CMTM6: variants seen among roughly 807,000 people sequenced by gnomAD.
The protein encoded by CMTM6 is CKLF like MARVEL transmembrane domain containing 6.
In CMTM6, 5 loss-of-function variants were observed where a neutral mutation model predicts 13.6. The ratio of observed to expected loss-of-function variants is 0.37; its 90% CI spans 0.19 to 0.77. CMTM6 has a LOEUF of 0.77. CMTM6 is among the 30% of genes least tolerant of loss of function. The pLI is 0.50. For missense variants in CMTM6, 196 were observed against 218.6 expected, an observed-to-expected ratio of 0.90 and a Z score of 0.65; for synonymous variants, 99 against 84.5, an observed-to-expected ratio of 1.17 and a Z score of -0.94.
chr3:32,493,832 T>C (rs889653352), intron 1 of CMTM6, among the ~76,000 whole-genome samples: 4 of 152,200 alleles, frequency 2.6e-5, no homozygotes, highest in South Asian at 2.1e-4. Context: ...ACACCTACCT[T>C]AGACTGAGCT....
intron 1 of CMTM6, among the ~76,000 whole-genome samples, chr3:32,501,372 A>T (rs577475024): frequency 6.6e-6 from 1 of 152,310 alleles, no homozygotes; most frequent in East Asian, 1.9e-4. Context: ...GCTTATGCAA[A>T]GGAACAGTGG....
intron 2 of CMTM6, 177 bp from the exon 3 acceptor site, chr3:32,488,213 G>A: frequency 3.7e-6 from 2 of 533,910 alleles, no homozygotes; most frequent in East Asian, 6.0e-5. Context: ...TAAATACCCT[G>A]TAAAAAAACA....
intron 2 of CMTM6, among the ~76,000 whole-genome samples, chr3:32,490,058 C>T (rs1047341398): frequency 2.0e-4 from 31 of 152,086 alleles, no homozygotes; most frequent in African/African-American, 7.5e-4. Flanking sequence ...CCAGCCTGGC[C>T]AATATGGCGA....
intron 3 of CMTM6, among the ~76,000 whole-genome samples, chr3:32,484,582 A>T (rs1372868462): frequency 1.3e-5 from 2 of 152,226 alleles, no homozygotes; most frequent in Non-Finnish European, 2.9e-5. Flanking sequence ...ATAATGTTCC[A>T]GTTGTCACAC....
At chr3:32,493,099 T>C (rs1015747870) in intron 1 of CMTM6, among the ~76,000 whole-genome samples, 3 of 152,264 alleles carry the variant, frequency 2.0e-5, no homozygotes, top group Admixed American at 6.5e-5. Flanking sequence ...AAAGAAACAA[T>C]TCATTTTAAC....
At chr3:32,495,904 C>T (rs547898146) in intron 1 of CMTM6, among the ~76,000 whole-genome samples, 18 of 152,134 alleles carry the variant, frequency 1.2e-4, no homozygotes, top group African/African-American at 3.1e-4. Flanking sequence ...TAAGTATGGA[C>T]ATCTGGCAGG....
chr3:32,502,685 G>C lies in CMTM6; in HGVS notation c.61C>G (p.Pro21Ala), dbSNP rs750270505. The C allele has an allele frequency of 1.9e-6, 3 of 1,587,234 alleles. No individual in the cohort carries two copies. The highest frequency in any genetic ancestry group is 1.7e-6 in the Non-Finnish European group (2 of 1,169,062). The part of the protein sequence containing the change: ...TEEDPGPARG[P>A]RSGLAAYFFM... ...AAGTAGGCAGCGAGGCCGCTCCGGGGGCCTCTGGCGGGGCCCGGGTCCTCC... is the reference window on the plus strand; with the variant it reads ...AAGTAGGCAGCGAGGCCGCTCCGGGCGCCTCTGGCGGGGCCCGGGTCCTCC... The change falls in exon 1 of 4, where the codon CCC (proline) becomes GCC (alanine). Residue 21 changes from proline (P) to alanine (A), a missense_variant. Physicochemically the swap from Pro to Ala is conservative, Grantham distance 27. This residue lies in a region of CMTM6 where 85 missense variants were observed against 58.7 expected (regional missense o/e 1.45). Transcript: ENST00000205636.
intron 1 of CMTM6, among the ~76,000 whole-genome samples, chr3:32,497,096 C>G (rs766019644): frequency 2.0e-5 from 3 of 152,106 alleles, no homozygotes; most frequent in South Asian, 2.1e-4. Context: ...AAAAAGAAAA[C>G]TCCTACACCG....
intron 3 of CMTM6, among the ~76,000 whole-genome samples, chr3:32,486,002 C>T (rs762588421): frequency 2.0e-4 from 31 of 152,146 alleles, no homozygotes; most frequent in Non-Finnish European, 3.8e-4. Flanking sequence ...CTCAGCCTCT[C>T]GAGTAGCTGG....
chr3:32,481,797 T>TATC lies in CMTM6; in HGVS notation c.*2160_*2162dup, dbSNP rs1298684750. The stretch of plus-strand genomic sequence containing the variant: ...TGACCAAATATACCAGTGAACATAC[T>TATC]ATCTTTCTGAAAAAGAAAGAATTAA... On this transcript the variant is annotated 3_prime_UTR_variant, in exon 4 of 4. Transcript: ENST00000205636. The TATC allele has an allele frequency of 6.6e-6, 1 of 152,264 alleles. No individual in the cohort carries two copies. Among genetic ancestry groups the TATC allele is most frequent in the Non-Finnish European group, 1.5e-5 (1 of 68,050 alleles). The allele number at this position is 152,264 out of a possible 1,614,324, so 9.4% of individuals were successfully genotyped here.
rs372374246 is a variant in CMTM6, at chr3:32,483,995, T to C, written c.517A>G (p.Arg173Gly). ...AGTGGCTCAGTGAGGGCTTCAGCCC[T>C]AGTGGTATTTTCAGGTTTTCTCAGC... ...SQLRKPENTTRAEALTEPLNA is the reference protein window; with the variant it reads ...SQLRKPENTTGAEALTEPLNA The change falls in exon 4 of 4, where the codon AGG becomes GGG. Residue 173 changes from arginine (R) to glycine (G), a missense_variant. Coordinates refer to ENST00000205636, the MANE Select transcript of CMTM6 (RefSeq NM_017801.3). 6 of 1,611,874 alleles carry C rather than the reference T, an allele frequency of 3.7e-6. No individual in the cohort carries two copies. The African/African-American group carries it at 8.0e-5, about 22-fold the overall frequency.
In CMTM6 at chr3:32,487,934, T is replaced by G. The variant is rs765973995; in HGVS notation, c.414+4A>C. 1.9e-6 allele frequency: 3 copies of G among 1,603,174 alleles called. No individual in the cohort carries two copies. Among genetic ancestry groups the G allele is most frequent in the Non-Finnish European group, 2.6e-6 (3 of 1,171,134 alleles). ...AAGCAATGTTAAAAATACAAGGTAC[T>G]TACAATTGCAGCAATCTCAGCTGAA... On this transcript the variant is annotated splice_donor_region_variant and intron_variant, in intron 3 of 3. Transcript: ENST00000205636.
intron 1 of CMTM6, among the ~76,000 whole-genome samples, chr3:32,501,656 T>G (rs1697346610): frequency 6.6e-6 from 1 of 152,212 alleles, no homozygotes; most frequent in African/African-American, 2.4e-5. Flanking sequence ...TTGTAAGAAT[T>G]TAAGTTCTTT....
chr3:32,490,186 C>A (rs2125657026), intron 2 of CMTM6, among the ~76,000 whole-genome samples: 1 of 151,354 alleles, frequency 6.6e-6, no homozygotes, highest in South Asian at 2.1e-4. Flanking sequence ...GTGGAAGATG[C>A]AGTGAGCTGC....
Position 32,483,877 on chromosome 3 carries a change from C to A in CMTM6, c.*83G>T, listed in dbSNP as rs1377873493. The A allele has an allele frequency of 1.5e-6, 2 of 1,330,072 alleles. No homozygotes were observed. The highest frequency in any genetic ancestry group is 2.0e-6 in the Non-Finnish European group (2 of 1,016,442). The allele number at this position is 1,330,072 out of a possible 1,614,324, so 82.4% of individuals were successfully genotyped here. A position where few individuals can be genotyped will look rare whatever the true frequency, so the allele number is the denominator to read the frequency against. ...CAAAAGAAGTGGTTTAAACAATTAA[C>A]AAATTTTACAAGAGCTTCTGCCAGG... On this transcript the variant is annotated 3_prime_UTR_variant, in exon 4 of 4. Coordinates refer to ENST00000205636, the MANE Select transcript of CMTM6 (RefSeq NM_017801.3).
chr3:32,499,922 G>C (rs2125660081), intron 1 of CMTM6, among the ~76,000 whole-genome samples: 1 of 149,206 alleles, frequency 6.7e-6, no homozygotes, highest in African/African-American at 2.5e-5. Flanking sequence ...AAAACCTTAA[G>C]AGTGCAAAGA....
intron 1 of CMTM6, among the ~76,000 whole-genome samples, chr3:32,498,350 G>A (rs1386806245): frequency 6.6e-6 from 1 of 152,154 alleles, no homozygotes. Context: ...AATACTGTTT[G>A]TTAAATTCCT....
At chr3:32,485,592 A>G (rs2125655530) in intron 3 of CMTM6, among the ~76,000 whole-genome samples, 1 of 152,320 alleles carries the variant, frequency 6.6e-6, no homozygotes, top group Non-Finnish European at 1.5e-5. Flanking sequence ...TGCAACAAAA[A>G]TGTTTCTAAA....
intron 3 of CMTM6, among the ~76,000 whole-genome samples, chr3:32,484,816 T>C (rs1697188866): frequency 6.6e-6 from 1 of 151,600 alleles, no homozygotes; most frequent in Admixed American, 6.6e-5. Flanking sequence ...AGGTGATGGC[T>C]AAAGTCTCTT....
Sources: allele counts gnomAD v4.1 joint callset (sites outside exome capture counted in the v4.1 genomes callset), GRCh38; gene constraint gnomAD v4.1.1; regional missense constraint gnomAD v4.1.1; transcripts MANE v1.5; gene names NCBI Gene and HGNC (gene_info 2026-07-23, HGNC 2026-07-21).